ABCC8: variants seen among roughly 807,000 people sequenced by gnomAD.
ABCC8 encodes ATP-binding cassette sub-family C member 8.
In ABCC8, 137 loss-of-function variants were observed where a neutral mutation model predicts 188.0. The observed-to-expected ratio is 0.73, with a 90% CI of 0.63 to 0.84. The LOEUF (loss-of-function observed/expected upper bound fraction) is 0.84. Ranked by LOEUF, ABCC8 falls within the 40% of genes least tolerant of loss-of-function variation. The pLI is 0.00. For missense variants in ABCC8, 1,750 were observed against 2,072.7 expected (o/e 0.84, Z 3.02); for synonymous variants, 797 against 846.5 (o/e 0.94, Z 1.01).
At position 17,474,927 on chromosome 11, in the gene ABCC8, G is replaced by T. The variant is rs1463898525; in HGVS notation, c.249C>A (p.Phe83Leu). Residue 83 changes from phenylalanine to leucine, a missense_variant, in exon 2 of 39, where the codon TTC becomes TTA. Physicochemically the swap from Phe to Leu is conservative, Grantham distance 22 (BLOSUM62 0). Transcript: ENST00000389817. The part of the protein sequence containing the change: ...LRWILTFMLL[F>L]VLVCEIAEGI... ...CCTCTGCAATCTCACACACCAGGAC[G>T]AAGAGCAGCATGAAGGTCAGGATCC... 1 of 1,614,212 alleles carries T rather than the reference G, an allele frequency of 6.2e-7. No homozygotes were observed. The highest frequency in any genetic ancestry group is 1.1e-5 in the South Asian group (1 of 91,080).
intron 11 of ABCC8, 160 bp from the exon 12 acceptor site, chr11:17,431,119 C>G: frequency 2.5e-6 from 3 of 1,201,598 alleles, no homozygotes; most frequent in Non-Finnish European, 3.5e-6. Context: ...CCACAGTCAT[C>G]TCATGGAAAC....
rs769248335 is a variant in ABCC8, at chr11:17,430,808, C to T, written c.1817+6G>A. On this transcript the variant is annotated splice_donor_region_variant and intron_variant, in intron 12 of 38. Transcript: ENST00000389817. ...CCCAGTGCCCTCGCCCGGACCCTCC[C>T]CTCACCTCACTAGAGCTTTGACGGT... is the stretch of plus-strand genomic sequence containing the variant. 5.6e-6 allele frequency: 9 copies of T among 1,613,974 alleles called. No homozygotes were observed. Among genetic ancestry groups the T allele is most frequent in the South Asian group, 4.4e-5 (4 of 91,076 alleles).
In ABCC8 at chr11:17,406,609, G is replaced by A; in HGVS notation, c.3329+13C>T. On this transcript the variant is annotated intron_variant, in intron 26 of 38. Transcript: ENST00000389817. Reference sequence around the variant, plus strand: ...TTGCTCACAGTCCCAGCCTGGCCAGGGGAGACGGGTACCTCATGGGGGCTA... The same window carrying A: ...TTGCTCACAGTCCCAGCCTGGCCAGAGGAGACGGGTACCTCATGGGGGCTA... 1 of 1,611,070 alleles carries A rather than the reference G, an allele frequency of 6.2e-7. No individual in the cohort carries two copies. Among genetic ancestry groups the A allele is most frequent in the Non-Finnish European group, 8.5e-7 (1 of 1,177,798 alleles).
In ABCC8 at chr11:17,403,148, A is replaced by G. The variant is rs143701602; in HGVS notation, c.3558-395T>C. On this transcript the variant is annotated intron_variant, in intron 28 of 38. Coordinates refer to ENST00000389817, the MANE Select transcript of ABCC8 (RefSeq NM_000352.6). ...AGCTGGCCAAAGGAACAGAAGACCA[A>G]ACTCAAAGCGTTCAACCCCGTCTTC... is the stretch of plus-strand genomic sequence containing the variant. Among the ~76,000 whole-genome samples, 60 of 152,280 alleles carry G rather than the reference A, an allele frequency of 3.9e-4. No individual in the cohort carries two copies. The East Asian group carries it at 0.01, about 26-fold the overall frequency.
At chr11:17,450,290 CT>C (rs1956728851) in intron 7 of ABCC8, among the ~76,000 whole-genome samples, 1 of 134,730 alleles carries the variant, frequency 7.4e-6, no homozygotes, top group Non-Finnish European at 1.5e-5. Flanking sequence ...TTCTTTCTTT[CT>C]TTCTTTCTTT....
intron 16 of ABCC8, among the ~76,000 whole-genome samples, chr11:17,417,934 T>A (rs896855181): frequency 2.0e-5 from 3 of 151,308 alleles, no homozygotes; most frequent in African/African-American, 7.3e-5. Flanking sequence ...ATATTTTTTG[T>A]AGAGACAGGA....
intron 2 of ABCC8, among the ~76,000 whole-genome samples, chr11:17,471,645 G>A (rs1238742807): frequency 6.6e-6 from 1 of 152,196 alleles, no homozygotes; most frequent in Non-Finnish European, 1.5e-5. Context: ...AATGATCTCT[G>A]TCATAAAGGA....
At chr11:17,471,798 A>G (rs184170909) in intron 2 of ABCC8, among the ~76,000 whole-genome samples, 1 of 152,340 alleles carries the variant, frequency 6.6e-6, no homozygotes, top group African/African-American at 2.4e-5. Context: ...GTCCCTGAAA[A>G]CATCAATAAG....
chr11:17,407,360 C>T lies in ABCC8; in HGVS notation c.2914G>A (p.Glu972Lys), dbSNP rs1480370408. 9.9e-6 allele frequency: 16 copies of T among 1,614,114 alleles called. No individual in the cohort carries two copies. Among genetic ancestry groups the T allele is most frequent in the Non-Finnish European group, 1.2e-5 (14 of 1,180,062 alleles). The change falls in exon 24 of 39, where the codon GAG (glutamate) becomes AAG (lysine). Residue 972 changes from glutamate to lysine, a missense_variant. Coordinates refer to ENST00000389817, the MANE Select transcript of ABCC8 (RefSeq NM_000352.6). The part of the protein sequence containing the change: ...RDGLLQDEEE[E>K]EEEAAESEED... ...CCAGTCCCATTGCCTGTACCTTCCT[C>T]CTCTTCCTCATCCTGCAGAAGGCCA...
Position 17,463,585 on chromosome 11 carries a change from G to A in ABCC8, c.432C>T (p.Thr144=), listed in dbSNP as rs1564980860. 6.3e-7 allele frequency: 1 copy of A among 1,585,692 alleles called. No homozygotes were observed. Among genetic ancestry groups the A allele is most frequent in the Non-Finnish European group, 8.6e-7 (1 of 1,165,558 alleles). ...TGATGGTCTTGGTGATGAAGGCCAGGGTCCAATACACCAGCAGGGCTGCCG... is the reference window on the plus strand; with the variant it reads ...TGATGGTCTTGGTGATGAAGGCCAGAGTCCAATACACCAGCAGGGCTGCCG... ...KLLIALLVYW[T]LAFITKTIKF... Residue 144 remains threonine (T), a synonymous_variant, in exon 4 of 39, where the codon ACC becomes ACT. Transcript: ENST00000389817.
chr11:17,442,957 T>C, intron 9 of ABCC8, 75 bp from the exon 10 acceptor site: 1 of 1,603,390 alleles, frequency 6.2e-7, no homozygotes, highest in Non-Finnish European at 8.5e-7. Flanking sequence ...TGAGTGTCAA[T>C]ACTGTCACTG....
In ABCC8 at chr11:17,442,719, C is replaced by T. The variant is rs773306994; in HGVS notation, c.1630+1G>A. On this transcript the variant is annotated splice_donor_variant, in intron 10 of 38. Transcript: ENST00000389817. LOFTEE classifies it high-confidence loss of function. The stretch of plus-strand genomic sequence containing the variant: ...GGGCTGGCTGTGTGGGGTGAACTCA[C>T]TGGAGATGGAGGTATAGATGGCAAA... 3 of 1,613,484 alleles carry T rather than the reference C, an allele frequency of 1.9e-6. No homozygotes were observed. Among genetic ancestry groups the T allele is most frequent in the Non-Finnish European group, 1.7e-6 (2 of 1,180,002 alleles).
At chr11:17,410,716 A>G (rs1954769096) in intron 21 of ABCC8, 63 bp from the exon 22 acceptor site, 1 of 1,608,678 alleles carries the variant, frequency 6.2e-7, no homozygotes, top group Non-Finnish European at 8.5e-7. Context: ...AGGGGTGACA[A>G]TGAGTATAAA....
chr11:17,461,455 T>C (rs1957184618), intron 5 of ABCC8, 128 bp downstream of exon 5: 1 of 1,257,986 alleles, frequency 7.9e-7, no homozygotes, highest in Non-Finnish European at 1.1e-6. Flanking sequence ...GGCAAGCTTC[T>C]TCCCCTCACC....
At chr11:17,407,324 T>G (rs1954590705) in intron 24 of ABCC8, 30 bp downstream of exon 24, 3 of 1,614,116 alleles carry the variant, frequency 1.9e-6, no homozygotes, top group Non-Finnish European at 2.5e-6. Context: ...CCTCAGGCCA[T>G]AATTTCACTC....
At chr11:17,415,566 C>A (rs550172846) in intron 17 of ABCC8, among the ~76,000 whole-genome samples, 2 of 152,210 alleles carry the variant, frequency 1.3e-5, no homozygotes, top group South Asian at 4.1e-4. Context: ...CCCTGGAGGA[C>A]CCAGTTAAGA....
chr11:17,460,723 C>A, intron 5 of ABCC8, 47 bp from the exon 6 acceptor site: 1 of 1,599,362 alleles, frequency 6.3e-7, no homozygotes, highest in South Asian at 1.1e-5. Flanking sequence ...AGGGCTAATT[C>A]ACGGCTGGGC....
chr11:17,410,804 T>G (rs935081254), intron 21 of ABCC8, 151 bp from the exon 22 acceptor site: 40 of 1,286,492 alleles, frequency 3.1e-5, no homozygotes, highest in Non-Finnish European at 4.2e-5. Context: ...TCACCCAACC[T>G]CTCTGGGCCT....
intron 34 of ABCC8, 35 bp from the exon 35 acceptor site, chr11:17,395,753 G>A (rs377540022): frequency 1.2e-5 from 18 of 1,552,382 alleles, no homozygotes; most frequent in Admixed American, 5.9e-5. Flanking sequence ...AGGGGAAGGC[G>A]GTGACTGCTG....
Sources: allele counts gnomAD v4.1 joint callset (sites outside exome capture counted in the v4.1 genomes callset), GRCh38; gene constraint gnomAD v4.1.1; transcripts MANE v1.5; gene names NCBI Gene and HGNC (gene_info 2026-07-23, HGNC 2026-07-21).